The following DMRT1 variants were observed in gnomAD, a reference collection of about 807,000 sequenced individuals.
DMRT1 encodes doublesex and mab-3 related transcription factor 1, also known as doublesex- and mab-3-related transcription factor 1.
A neutral mutation model predicts 32.3 loss-of-function variants in DMRT1; 7 were observed. The ratio of observed to expected loss-of-function variants is 0.22; its 90% CI spans 0.12 to 0.41. The LOEUF is 0.41. DMRT1 is among the 10% of genes least tolerant of loss of function. The probability of loss-of-function intolerance (pLI) is 1.00; values close to 1 mark genes in which losing one functional copy is unlikely to be tolerated. For missense variants in DMRT1, 625 were observed against 500.5 expected, an observed-to-expected ratio of 1.25 and a Z score of -2.37; for synonymous variants, 278 against 206.1, an observed-to-expected ratio of 1.35 and a Z score of -2.99.
intron 4 of DMRT1, among the ~76,000 whole-genome samples, chr9:953,590 C>T (rs1025403865): frequency 6.6e-6 from 1 of 152,186 alleles, no homozygotes; most frequent in African/African-American, 2.4e-5. Context: ...GTTTTGGATT[C>T]GTTGCCACCT....
chr9:861,901 A>G (rs1033639610), intron 2 of DMRT1, among the ~76,000 whole-genome samples: 7 of 145,244 alleles, frequency 4.8e-5, no homozygotes, highest in African/African-American at 1.6e-4. Context: ...CACATCCCAG[A>G]TGGGGCGGCG....
At chr9:925,409 A>G (rs10816056) in intron 4 of DMRT1, among the ~76,000 whole-genome samples, 81,665 of 152,064 alleles carry the variant, frequency 0.54, 25,255 homozygotes, top group Middle Eastern at 0.7. Context: ...CTTGAATTTT[A>G]GGGACTTAAT....
chr9:928,262 C>T (rs1033546129), intron 4 of DMRT1, among the ~76,000 whole-genome samples: 1 of 152,140 alleles, frequency 6.6e-6, no homozygotes, highest in African/African-American at 2.4e-5. Context: ...CTCTGCAGTC[C>T]CATGATCATC....
At chr9:953,510 C>T (rs1451920299) in intron 4 of DMRT1, among the ~76,000 whole-genome samples, 1 of 152,212 alleles carries the variant, frequency 6.6e-6, no homozygotes, top group South Asian at 2.1e-4. Context: ...CCCCCCCGAC[C>T]TTTGATGACA....
chr9:914,893 A>T (rs1287584827), intron 3 of DMRT1, among the ~76,000 whole-genome samples: 1 of 152,198 alleles, frequency 6.6e-6, no homozygotes, highest in Admixed American at 6.5e-5. Context: ...GCACCATAAT[A>T]CCCAAAGTAC....
chr9:897,325 C>G (rs1025155030), intron 3 of DMRT1, among the ~76,000 whole-genome samples: 1 of 151,564 alleles, frequency 6.6e-6, no homozygotes, highest in Non-Finnish European at 1.5e-5. Flanking sequence ...ACCATGTTAG[C>G]CAGGATGGTC....
chr9:855,157 G>C (rs911157397), intron 2 of DMRT1, among the ~76,000 whole-genome samples: 3 of 152,180 alleles, frequency 2.0e-5, no homozygotes, highest in African/African-American at 7.2e-5. Flanking sequence ...AAGTATAGCA[G>C]TTTAATTGGT....
intron 4 of DMRT1, among the ~76,000 whole-genome samples, chr9:937,597 A>C (rs1190757531): frequency 6.6e-6 from 1 of 152,194 alleles, no homozygotes. Flanking sequence ...CTGATGGCTA[A>C]TGATGTTGAG....
intron 2 of DMRT1, among the ~76,000 whole-genome samples, chr9:862,966 G>T (rs1564205201): frequency 6.6e-6 from 1 of 152,102 alleles, no homozygotes; most frequent in East Asian, 1.9e-4. Context: ...CTTGAGATGA[G>T]TGAGATGATC....
rs148825627 is a variant in DMRT1, at chr9:902,711, A to T, written c.822+8516A>T. On this transcript the variant is annotated intron_variant, in intron 3 of 4. Coordinates refer to ENST00000382276, the MANE Select transcript of DMRT1 (RefSeq NM_021951.3). ...GCCATGTTGGCCAGGTTGGTCTCGA[A>T]CTCCTCACCTCGAGTGATCCGCCCA... 9.6e-3 allele frequency among the ~76,000 whole-genome samples: 1,450 copies of T among 151,756 alleles called. 35 individuals carry two copies. Among genetic ancestry groups the T allele is most frequent in the African/African-American group, 0.032 (1,331 of 41,354 alleles).
rs944792936 is a variant in DMRT1 at position 965,568 on chromosome 9, C to G, written c.968-2417C>G. Among the ~76,000 whole-genome samples the G allele has an allele frequency of 3.3e-5, 5 of 152,194 alleles. No homozygotes were observed. Among genetic ancestry groups the G allele is most frequent in the African/African-American group, 1.2e-4 (5 of 41,430 alleles). On this transcript the variant is annotated intron_variant, in intron 4 of 4. Coordinates refer to ENST00000382276, the MANE Select transcript of DMRT1 (RefSeq NM_021951.3). This position sits in a 1 kb window ranked among gnomAD's most constrained non-coding sequence, Gnocchi z 4.5. ...ATTCCCACTCCTCCCCTTTTCAGTC[C>G]CAAGTTGGCTAAATGAGGAGAGGGC...
chr9:936,743 A>C (rs2129887357), intron 4 of DMRT1, among the ~76,000 whole-genome samples: 2 of 146,408 alleles, frequency 1.4e-5, no homozygotes, highest in South Asian at 2.1e-4. Context: ...AACAGAGCAA[A>C]ACTTCATCTC....
chr9:883,293 C>A (rs906370839), intron 2 of DMRT1, among the ~76,000 whole-genome samples: 1 of 151,956 alleles, frequency 6.6e-6, no homozygotes, highest in East Asian at 1.9e-4. Flanking sequence ...ACAAAAATCT[C>A]TTCCTGGGAG....
chr9:862,449 C>T (rs1390009869), intron 2 of DMRT1, among the ~76,000 whole-genome samples: 1 of 146,890 alleles, frequency 6.8e-6, no homozygotes, highest in African/African-American at 2.5e-5. Context: ...GAGATGGCGG[C>T]AGCACAGTCC....
chr9:932,551 A>G (rs1321244466), intron 4 of DMRT1, among the ~76,000 whole-genome samples: 1 of 152,172 alleles, frequency 6.6e-6, no homozygotes. Flanking sequence ...AAGTAATGAG[A>G]GGTTTTTTTC....
At chr9:928,697 T>C (rs1057226491) in intron 4 of DMRT1, among the ~76,000 whole-genome samples, 6 of 152,198 alleles carry the variant, frequency 3.9e-5, no homozygotes, top group Non-Finnish European at 8.8e-5. Flanking sequence ...ACAATCACTT[T>C]ATTAAGATTT....
intron 4 of DMRT1, among the ~76,000 whole-genome samples, chr9:939,969 A>G (rs980177077): frequency 6.6e-6 from 1 of 152,174 alleles, no homozygotes. Flanking sequence ...AATGCTCAAC[A>G]TCATTAGCCA....
At chr9:850,183 A>C (rs1486052491) in intron 2 of DMRT1, among the ~76,000 whole-genome samples, 1 of 152,208 alleles carries the variant, frequency 6.6e-6, no homozygotes, top group Non-Finnish European at 1.5e-5. Flanking sequence ...GCTGTCATTC[A>C]TGGGATTTGC....
intron 3 of DMRT1, 44 bp downstream of exon 3, chr9:894,239 C>T (rs138100552): frequency 1.9e-6 from 3 of 1,599,830 alleles, no homozygotes; most frequent in Non-Finnish European, 2.6e-6. Context: ...TGTGTGAAAG[C>T]CACATGCATG....
Sources: allele counts gnomAD v4.1 joint callset (sites outside exome capture counted in the v4.1 genomes callset), GRCh38; gene constraint gnomAD v4.1.1; non-coding constraint Gnocchi (gnomAD v3.1); transcripts MANE v1.5; gene names NCBI Gene and HGNC (gene_info 2026-07-23, HGNC 2026-07-21).